The following ESYT2 variants were observed in gnomAD, a reference collection of about 807,000 sequenced individuals.
ESYT2 encodes extended synaptotagmin-2.
Under a neutral mutation model 107.2 loss-of-function variants are expected in ESYT2, and 54 were observed. That is an observed-to-expected ratio of 0.50 (90% CI 0.40 to 0.63). The LOEUF is 0.63. ESYT2 is among the 30% of genes least tolerant of loss of function. ESYT2 has a pLI of 0.00. For missense variants in ESYT2, 1,020 were observed against 1,094.5 expected, an observed-to-expected ratio of 0.93 and a Z score of 0.96; for synonymous variants, 491 against 434.1, an observed-to-expected ratio of 1.13 and a Z score of -1.63.
rs1395097661 is a variant in ESYT2 at position 158,829,232 on chromosome 7, C to G, written c.187G>C (p.Val63Leu). Residue 63 changes from valine to leucine, a missense_variant, in exon 1 of 23, where the codon GTT (valine) becomes CTT (leucine). Physicochemically the swap from Val to Leu is conservative, Grantham distance 32. Transcript: ENST00000275418. ...LGYLGLSFSW[V>L]LLALALLAWC... ...GCGAGCAGCGCGAGCGCGAGGAGAA[C>G]CCAGCTGAAGCTGAGCCCCAGGTAG... 6.5e-7 allele frequency: 1 copy of G among 1,529,370 alleles called. No individual in the cohort carries two copies. Among genetic ancestry groups the G allele is most frequent in the African/African-American group, 1.4e-5 (1 of 71,016 alleles). 94.7% of individuals were successfully genotyped at this position (1,529,370 alleles called of 1,614,324 possible). A position where few individuals can be genotyped will look rare whatever the true frequency, so the allele number is the denominator to read the frequency against.
At chr7:158,804,527 G>A (rs193233033) in intron 1 of ESYT2, among the ~76,000 whole-genome samples, 2 of 146,510 alleles carry the variant, frequency 1.4e-5, no homozygotes, top group Admixed American at 6.8e-5. Flanking sequence ...AGTGAGGCGC[G>A]CGACAAACCC....
At chr7:158,798,956 T>A (rs1426661624) in intron 2 of ESYT2, 75 bp downstream of exon 2, 8 of 1,462,238 alleles carry the variant, frequency 5.5e-6, no homozygotes, top group South Asian at 2.4e-5. Flanking sequence ...AACATGCAAA[T>A]CCCCAAATAT....
intron 10 of ESYT2, among the ~76,000 whole-genome samples, chr7:158,761,931 T>A (rs982181557): frequency 1.3e-5 from 2 of 152,122 alleles, no homozygotes; most frequent in Non-Finnish European, 2.9e-5. Context: ...TCTTGGAACG[T>A]CTTATTTTAT....
At chr7:158,829,037 G>A (rs1840547979) in intron 1 of ESYT2, 52 bp downstream of exon 1, 10 of 1,559,056 alleles carry the variant, frequency 6.4e-6, no homozygotes, top group Non-Finnish European at 7.7e-6. Context: ...CTGGACGAGG[G>A]GAGATCGGGA....
At chr7:158,809,936 T>C (rs1315931001) in intron 1 of ESYT2, among the ~76,000 whole-genome samples, 2 of 152,276 alleles carry the variant, frequency 1.3e-5, no homozygotes, top group Non-Finnish European at 2.9e-5. Flanking sequence ...TCTTTGAACC[T>C]ATTCTGGTTC....
chr7:158,780,582 G>A (rs1189209), intron 6 of ESYT2, among the ~76,000 whole-genome samples: 119,152 of 152,228 alleles, frequency 0.78, 48,133 homozygotes, highest in Non-Finnish European at 0.89. Context: ...CAACGATGGA[G>A]TATTAAAAAC....
At chr7:158,750,788 C>T (rs898837714) in intron 14 of ESYT2, among the ~76,000 whole-genome samples, 5 of 152,168 alleles carry the variant, frequency 3.3e-5, no homozygotes, top group African/African-American at 4.8e-5. Context: ...TCTGTAAATA[C>T]AGATTTTGTT....
rs114819508 is a variant in ESYT2, at chr7:158,816,658, G to A, written c.330+12431C>T. On this transcript the variant is annotated intron_variant, in intron 1 of 22. Coordinates refer to ENST00000275418, the MANE Select transcript of ESYT2 (RefSeq NM_001367773.1). The stretch of plus-strand genomic sequence containing the variant: ...AAGTTGATGGCACTTTGTCACAGGC[G>A]CCCTAATGCACCAACCATGTCATCC... Among the ~76,000 whole-genome samples the A allele has an allele frequency of 8.4e-3, 1,275 of 152,252 alleles. 20 individuals are homozygous for A. Among genetic ancestry groups the A allele is most frequent in the African/African-American group, 0.029 (1,211 of 41,526 alleles).
chr7:158,777,027 A>ATT (rs201667253), intron 6 of ESYT2, among the ~76,000 whole-genome samples: 1 of 144,404 alleles, frequency 6.9e-6, no homozygotes, highest in African/African-American at 2.6e-5. Flanking sequence ...TAATTTTTGT[A>ATT]TTTTTTTTTT....
chr7:158,783,295 G>A (rs937159224), intron 6 of ESYT2, among the ~76,000 whole-genome samples: 4 of 152,126 alleles, frequency 2.6e-5, no homozygotes, highest in Non-Finnish European at 4.4e-5. Context: ...TCCCTAATCC[G>A]TTGTGACGGG....
chr7:158,769,863 A>C (rs564184043), intron 7 of ESYT2, among the ~76,000 whole-genome samples: 1 of 152,292 alleles, frequency 6.6e-6, no homozygotes. Flanking sequence ...TGCTCATTTT[A>C]TAAAGCTTGG....
rs1472711751 is a variant in ESYT2 at position 158,793,660 on chromosome 7, G to C, written c.574C>G (p.Leu192Val). ...NVDKRQIILDLQISFVGNCEI... is the reference protein window; with the variant it reads ...NVDKRQIILDVQISFVGNCEI... ...CAAATAAAAACTTACCTAATCTGAAGGTCCAAAATAATTTGCCTTTTGTCT... is the reference window on the plus strand; with the variant it reads ...CAAATAAAAACTTACCTAATCTGAACGTCCAAAATAATTTGCCTTTTGTCT... Residue 192 changes from leucine (L) to valine (V), a missense_variant, in exon 4 of 23, where the codon CTT becomes GTT. Physicochemically the swap from Leu to Val is conservative, Grantham distance 32. Transcript: ENST00000275418. 6.2e-7 allele frequency: 1 copy of C among 1,610,522 alleles called. No individual in the cohort carries two copies.
At chr7:158,738,930 T>A in intron 19 of ESYT2, 93 bp downstream of exon 19, 2 of 1,229,276 alleles carry the variant, frequency 1.6e-6, no homozygotes, top group Non-Finnish European at 2.3e-6. Context: ...CATAAATGGA[T>A]GTTTGGAAAT....
intron 1 of ESYT2, among the ~76,000 whole-genome samples, chr7:158,824,295 A>C (rs2129474391): frequency 6.6e-6 from 1 of 152,350 alleles, no homozygotes; most frequent in Non-Finnish European, 1.5e-5. Flanking sequence ...ACTCGGATTC[A>C]GGTGCTGAAG....
At chr7:158,737,781 T>C (rs1194650774) in intron 19 of ESYT2, among the ~76,000 whole-genome samples, 1 of 152,212 alleles carries the variant, frequency 6.6e-6, no homozygotes, top group Non-Finnish European at 1.5e-5. Context: ...CTAATTTTAT[T>C]TTCCTATGTT....
Position 158,758,798 on chromosome 7 carries a change from G to C in ESYT2, c.1419+688C>G, listed in dbSNP as rs560577622. Among the ~76,000 whole-genome samples the C allele has an allele frequency of 2.0e-5, 3 of 152,284 alleles. No homozygotes were observed. The East Asian group carries it at 5.8e-4, about 29-fold the overall frequency. The stretch of plus-strand genomic sequence containing the variant: ...GGGTTTAAGGTAGGATGACGGGAGA[G>C]CACACTATGCCTCACAAGATGGAAT... On this transcript the variant is annotated intron_variant, in intron 13 of 22. Coordinates refer to ENST00000275418, the MANE Select transcript of ESYT2 (RefSeq NM_001367773.1).
At position 158,829,487 on chromosome 7, in the gene ESYT2, C is replaced by T; in HGVS notation, c.-69G>A. On this transcript the variant is annotated 5_prime_UTR_variant, in exon 1 of 23. Transcript: ENST00000275418. ...GTGCTCGCGCTGATCCCGGGCGGCT[C>T]AGCCCCGCGCCAGCGCCCCTCTGAG... The T allele has an allele frequency of 1.6e-6, 2 of 1,229,760 alleles. No individual in the cohort carries two copies. The highest frequency in any genetic ancestry group is 6.7e-5 in the South Asian group (2 of 29,986). The allele number at this position is 1,229,760 out of a possible 1,614,324, so 76.2% of individuals were successfully genotyped here. A position where few individuals can be genotyped will look rare whatever the true frequency, so the allele number is the denominator to read the frequency against.
intron 15 of ESYT2, among the ~76,000 whole-genome samples, chr7:158,749,433 A>G (rs114183024): frequency 1.2e-3 from 177 of 152,320 alleles, no homozygotes; most frequent in African/African-American, 4.1e-3. Context: ...AAGTCATTTT[A>G]AAAAATGAAC....
chr7:158,782,033 A>G (rs773082901), intron 6 of ESYT2, among the ~76,000 whole-genome samples: 3 of 150,756 alleles, frequency 2.0e-5, no homozygotes, highest in Non-Finnish European at 4.4e-5. Flanking sequence ...GTGTAAGTGC[A>G]AGAACGAGAA....
Sources: gnomAD v4.1 joint callset for allele counts (sites outside exome capture counted in the v4.1 genomes callset) on GRCh38, gnomAD v4.1.1 for gene constraint, MANE v1.5 for transcripts, NCBI Gene and HGNC (gene_info 2026-07-23, HGNC 2026-07-21) for gene names.